Variants in R3HDM1 observed in about 807,000 individuals in gnomAD.
The protein encoded by R3HDM1 is R3H domain containing 1, also known as R3H domain-containing protein 1.
R3HDM1 carries 46 observed loss-of-function variants against 141.1 expected under a neutral mutation model. The observed-to-expected ratio is 0.33, with a 90% CI of 0.26 to 0.42. The LOEUF (loss-of-function observed/expected upper bound fraction) is 0.42. Ranked by LOEUF, R3HDM1 falls within the 10% of genes least tolerant of loss-of-function variation. The pLI is 1.00. For synonymous variants in R3HDM1, 435 were observed against 472.9 expected (o/e 0.92, Z 1.04); for missense variants, 1,184 against 1,368.3 (o/e 0.87, Z 2.12).
chr2:135,668,959 G>A (rs1336975314), intron 19 of R3HDM1: 1 of 226,090 alleles, frequency 4.4e-6, no homozygotes, highest in East Asian at 1.8e-4. Flanking sequence ...AAATACTCAG[G>A]CTGAGAGACA....
At chr2:135,694,822 T>G (rs966452995) in intron 21 of R3HDM1, among the ~76,000 whole-genome samples, 1 of 152,130 alleles carries the variant, frequency 6.6e-6, no homozygotes, top group African/African-American at 2.4e-5. Context: ...TTGGTGCATA[T>G]GTTTGCAAAC....
intron 1 of R3HDM1, among the ~76,000 whole-genome samples, chr2:135,593,355 A>G (rs1709792559): frequency 6.6e-6 from 1 of 152,196 alleles, no homozygotes; most frequent in Non-Finnish European, 1.5e-5. Context: ...GTAGGTTCAG[A>G]ATTAAGGCAA....
rs1237183222 is a variant in R3HDM1 at position 135,645,359 on chromosome 2, C to T, written c.1475-20C>T. 7.1e-6 allele frequency: 11 copies of T among 1,558,854 alleles called. No homozygotes were observed. In the Admixed American group the frequency reaches 8.9e-5, roughly 13 times the overall value. On this transcript the variant is annotated intron_variant, in intron 15 of 26. Transcript: ENST00000683871. ...ACCTGTATTCTAAGTTATTTTTTTC[C>T]CTCTTTTTGAATTTTTCAGGTCAGC...
At position 135,604,840 on chromosome 2, in the gene R3HDM1, T is replaced by C. The variant is rs765925389; in HGVS notation, c.-6T>C. On this transcript the variant is annotated 5_prime_UTR_variant, in exon 3 of 27. Transcript: ENST00000683871. ...TCCCTGTAGAATTCGAAAATAACCT[T>C]TTCTAATGAGGATGTCTGATACTGT... 6.2e-6 allele frequency: 10 copies of C among 1,611,636 alleles called. No individual in the cohort carries two copies. Among genetic ancestry groups the C allele is most frequent in the Non-Finnish European group, 8.5e-6 (10 of 1,178,728 alleles).
chr2:135,533,541 G>T (rs1442496228), intron 1 of R3HDM1, among the ~76,000 whole-genome samples: 1 of 152,238 alleles, frequency 6.6e-6, no homozygotes, highest in African/African-American at 2.4e-5. Context: ...TCTGTAAAAT[G>T]AGGATGATAA....
At chr2:135,723,680 G>A (rs2076915402) in intron 26 of R3HDM1, among the ~76,000 whole-genome samples, 1 of 149,302 alleles carries the variant, frequency 6.7e-6, no homozygotes, top group Non-Finnish European at 1.5e-5. Context: ...GGGAAGCTGA[G>A]GCAGGAGAAT....
intron 1 of R3HDM1, among the ~76,000 whole-genome samples, chr2:135,539,059 C>G (rs917582020): frequency 2.0e-5 from 3 of 152,088 alleles, no homozygotes; most frequent in Admixed American, 6.6e-5. Context: ...GTATCTTGTC[C>G]CACCGGAAGG....
intron 1 of R3HDM1, chr2:135,590,608 A>G: frequency 7.1e-6 from 7 of 985,398 alleles, no homozygotes; most frequent in South Asian, 9.4e-5. Flanking sequence ...AGTTGAGCCA[A>G]TTAAATTGGA....
intron 15 of R3HDM1, among the ~76,000 whole-genome samples, chr2:135,644,856 C>T (rs1043100530): frequency 1.3e-5 from 2 of 151,718 alleles, no homozygotes; most frequent in Non-Finnish European, 2.9e-5. Context: ...TCAAGGCGGA[C>T]GGATCACCTG....
At chr2:135,672,734 T>A (rs1276778288) in intron 19 of R3HDM1, among the ~76,000 whole-genome samples, 1 of 152,130 alleles carries the variant, frequency 6.6e-6, no homozygotes, top group African/African-American at 2.4e-5. Flanking sequence ...AGAGTGCGTG[T>A]GTTTGTGTGT....
intron 5 of R3HDM1, among the ~76,000 whole-genome samples, chr2:135,619,322 C>T (rs1051521717): frequency 2.0e-5 from 3 of 151,950 alleles, no homozygotes; most frequent in African/African-American, 4.8e-5. Context: ...TGAGGGAGAG[C>T]CTGTTATGGT....
At chr2:135,547,492 TG>T (rs1342944716) in intron 1 of R3HDM1, among the ~76,000 whole-genome samples, 7 of 150,684 alleles carry the variant, frequency 4.6e-5, no homozygotes. Context: ...TTTTTTTTTC[TG>T]GTTGACAAGC....
At chr2:135,722,083 G>T in intron 25 of R3HDM1, 77 bp downstream of exon 25, 1 of 1,417,512 alleles carries the variant, frequency 7.1e-7, no homozygotes, top group Non-Finnish European at 9.9e-7. Context: ...GCAACCCTGA[G>T]CCCACCTGTT....
chr2:135,717,479 C>A (rs1389162569), intron 24 of R3HDM1, among the ~76,000 whole-genome samples: 2 of 150,372 alleles, frequency 1.3e-5, no homozygotes, highest in African/African-American at 4.9e-5. Context: ...ATTGACACTG[C>A]ATCTCAAAAA....
intron 1 of R3HDM1, among the ~76,000 whole-genome samples, chr2:135,555,920 G>A (rs1035574047): frequency 1.3e-5 from 2 of 152,150 alleles, no homozygotes. Context: ...GGAAGCTGAG[G>A]CAGGAAGATC....
At chr2:135,715,748 C>A in intron 24 of R3HDM1, 54 bp downstream of exon 24, 1 of 1,550,604 alleles carries the variant, frequency 6.4e-7, no homozygotes, top group African/African-American at 1.4e-5. Flanking sequence ...CATCCATTCC[C>A]AGTCACTTGG....
chr2:135,561,622 T>C (rs7605881), intron 1 of R3HDM1, among the ~76,000 whole-genome samples: 1 of 151,794 alleles, frequency 6.6e-6, no homozygotes, highest in Non-Finnish European at 1.5e-5. Context: ...GGAGGCTCAG[T>C]TGGAAGCATC....
At chr2:135,648,221 C>T (rs77369929) in intron 16 of R3HDM1, among the ~76,000 whole-genome samples, 2 of 152,044 alleles carry the variant, frequency 1.3e-5, no homozygotes, top group Non-Finnish European at 2.9e-5. Flanking sequence ...GATCTTTCAG[C>T]TTTTACTGAA....
chr2:135,647,941 G>A lies in R3HDM1; in HGVS notation c.1624-1961G>A, dbSNP rs147917450. On this transcript the variant is annotated intron_variant, in intron 16 of 26. Transcript: ENST00000683871. ...TTTTTTTCATTACTCTCTGAAATTCGGGAAGACATTAATTCATACCCTTGG... is the reference window on the plus strand; with the variant it reads ...TTTTTTTCATTACTCTCTGAAATTCAGGAAGACATTAATTCATACCCTTGG... 1.4e-3 allele frequency among the ~76,000 whole-genome samples: 219 copies of A among 152,160 alleles called. 1 individual carries two copies. The highest frequency in any genetic ancestry group is 4.9e-3 in the African/African-American group (203 of 41,512).
Sources: allele counts gnomAD v4.1 joint callset (sites outside exome capture counted in the v4.1 genomes callset), GRCh38; gene constraint gnomAD v4.1.1; transcripts MANE v1.5; gene names NCBI Gene and HGNC (gene_info 2026-07-23, HGNC 2026-07-21).